Variants in BECN1 observed in about 807,000 individuals in gnomAD.
BECN1 encodes beclin-1.
BECN1 carries 15 observed loss-of-function variants against 60.1 expected under a neutral mutation model. The ratio of observed to expected loss-of-function variants is 0.25; its 90% CI spans 0.17 to 0.38. The LOEUF is 0.38. Among genes scored for constraint, BECN1 ranks in the 10% least tolerant of loss-of-function variants. BECN1 has a pLI of 1.00. For missense variants in BECN1, 424 were observed against 548.2 expected, an observed-to-expected ratio of 0.77 and a Z score of 2.26; for synonymous variants, 179 against 201.8, an observed-to-expected ratio of 0.89 and a Z score of 0.96.
chr17:42,822,842 C>G (rs1050132048), intron 2 of BECN1, among the ~76,000 whole-genome samples: 1 of 151,472 alleles, frequency 6.6e-6, no homozygotes, highest in Non-Finnish European at 1.5e-5. Flanking sequence ...CCACCACACC[C>G]AGCAATTTTT....
At chr17:42,813,763 A>C (rs2055086917) in intron 10 of BECN1, 185 bp downstream of exon 10, 1 of 476,594 alleles carries the variant, frequency 2.1e-6, no homozygotes, top group African/African-American at 2.0e-5. Flanking sequence ...GACTGTCAAA[A>C]CCTGATTTCT....
intron 8 of BECN1, 37 bp downstream of exon 8, chr17:42,815,871 A>C: frequency 6.2e-7 from 1 of 1,613,778 alleles, no homozygotes; most frequent in Non-Finnish European, 8.5e-7. Flanking sequence ...TAAGGTCTAG[A>C]TATGTGCAGT....
intron 1 of BECN1, 85 bp from the exon 2 acceptor site, chr17:42,823,964 T>G: frequency 6.6e-7 from 1 of 1,513,728 alleles, no homozygotes; most frequent in Non-Finnish European, 9.0e-7. Flanking sequence ...TTGGTGACGA[T>G]GGTAAAGGGA....
At chr17:42,820,941 T>A (rs1384415153) in intron 2 of BECN1, 100 bp from the exon 3 acceptor site, 3 of 1,036,050 alleles carry the variant, frequency 2.9e-6, no homozygotes, top group Non-Finnish European at 4.4e-6. Context: ...ATCACCACCC[T>A]CACCTCCAAT....
intron 8 of BECN1, 75 bp downstream of exon 8, chr17:42,815,833 T>C: frequency 6.3e-7 from 1 of 1,589,874 alleles, no homozygotes; most frequent in African/African-American, 1.3e-5. Context: ...TTGTGGGAAG[T>C]GGGCACCCAG....
rs575137307 is a variant in BECN1, at chr17:42,818,640, T to A, written c.392A>T (p.Asp131Val). ...DLFDIMSGQT[D>V]VDHPLCEECT... is the part of the protein sequence containing the mutation. ...TTCCTCACAGAGTGGGTGATCCACATCTGTCTGGCCCGACATGATGTCAAA... is the reference window on the plus strand; with the variant it reads ...TTCCTCACAGAGTGGGTGATCCACAACTGTCTGGCCCGACATGATGTCAAA... The change falls in exon 6 of 12, where the codon GAT becomes GTT. Residue 131 changes from aspartate to valine, a missense_variant. Around this residue, in one of 3 missense-constraint regions of BECN1, gnomAD observed 326 missense variants for 406.2 expected, o/e 0.80. Transcript: ENST00000590099. The A allele has an allele frequency of 6.2e-7, 1 of 1,614,214 alleles. No homozygotes were observed. Among genetic ancestry groups the A allele is most frequent in the African/African-American group, 1.3e-5 (1 of 75,050 alleles).
At position 42,818,424 on chromosome 17, in the gene BECN1, G is replaced by A. The variant is rs1226052730; in HGVS notation, c.489-9C>T. ...AGATCTCCAAACAGCGTCTGCCAAA[G>A]ACACAGGCAGACTATACTTACTAGA... On this transcript the variant is annotated splice_polypyrimidine_tract_variant and intron_variant, in intron 6 of 11. Coordinates refer to ENST00000590099, the MANE Select transcript of BECN1 (RefSeq NM_001313998.2). The A allele has an allele frequency of 1.2e-6, 2 of 1,613,834 alleles. No individual in the cohort carries two copies. The highest frequency in any genetic ancestry group is 2.2e-5 in the East Asian group (1 of 44,888).
At position 42,816,046 on chromosome 17, in the gene BECN1, C is replaced by T. The variant is rs972136460; in HGVS notation, c.692G>A (p.Arg231Lys). ...RLDQEEAQYQ[R>K]EYSEFKRQQL... ...CTGTCGTTTAAATTCACTGTATTCT[C>T]TCTGATACCTGTGAGCAGCCAAGGG... Residue 231 changes from arginine to lysine, a missense_variant, in exon 8 of 12, where the codon AGA (arginine) becomes AAA (lysine). Arg to Lys is a conservative substitution (Grantham distance 26, BLOSUM62 2). Transcript: ENST00000590099. 1.6e-5 allele frequency: 25 copies of T among 1,589,796 alleles called. No individual in the cohort carries two copies. Among genetic ancestry groups the T allele is most frequent in the South Asian group, 4.6e-5 (4 of 86,042 alleles).
At position 42,824,195 on chromosome 17, in the gene BECN1, C is replaced by T; in HGVS notation, c.-43G>A. 2.4e-6 allele frequency: 1 copy of T among 419,498 alleles called. No homozygotes were observed. The highest frequency in any genetic ancestry group is 4.2e-5 in the Admixed American group (1 of 23,540). 26.0% of individuals were successfully genotyped at this position (419,498 alleles called of 1,614,324 possible). On this transcript the variant is annotated 5_prime_UTR_variant, in exon 1 of 12. Transcript: ENST00000590099. ...CCCGTCACCCAAGTCCGGTCTACCGCGGAGGCACTGTGGCCTCGGGTCGGC... is the reference window on the plus strand; with the variant it reads ...CCCGTCACCCAAGTCCGGTCTACCGTGGAGGCACTGTGGCCTCGGGTCGGC...
chr17:42,820,767 C>G lies in BECN1; in HGVS notation c.198+7G>C. On this transcript the variant is annotated splice_region_variant and intron_variant, in intron 3 of 11. Transcript: ENST00000590099. ...GAGGAGGATAGGGGAGAGGGCACTT[C>G]TATTACCTCTCCTGAGTTAGTCTCT... The G allele has an allele frequency of 6.3e-7, 1 of 1,577,610 alleles. No homozygotes were observed. The highest frequency in any genetic ancestry group is 8.6e-7 in the Non-Finnish European group (1 of 1,158,990).
At chr17:42,819,126 C>G (rs74745773) in intron 4 of BECN1, 6,555 of 538,178 alleles carry the variant, frequency 0.012, 323 homozygotes, top group African/African-American at 0.11. Context: ...ATAAAAAATT[C>G]ATATGTCTAC....
Position 42,811,683 on chromosome 17 carries a change from C to T in BECN1, c.1156G>A (p.Gly386Ser). 6.2e-7 allele frequency: 1 copy of T among 1,614,114 alleles called. No homozygotes were observed. The highest frequency in any genetic ancestry group is 1.3e-5 in the African/African-American group (1 of 75,032). ...VQQFKEEVEK[G>S]ETRFCLPYRM... ...TAGGGAAGACAAAAACGTGTCTCGC[C>T]TTTCTCAACCTCTTCTTTGAACTGC... is the stretch of plus-strand genomic sequence containing the variant. Residue 386 changes from glycine to serine, a missense_variant, in exon 11 of 12, where the codon GGC becomes AGC. By Grantham distance (56) the Gly-to-Ser change is moderately conservative (BLOSUM62 0). Coordinates refer to ENST00000590099, the MANE Select transcript of BECN1 (RefSeq NM_001313998.2).
In BECN1 at chr17:42,811,105, G is replaced by A. The variant is rs1047194537; in HGVS notation, c.1185-177C>T. On this transcript the variant is annotated intron_variant, in intron 11 of 11. Transcript: ENST00000590099. ...CCAAAAATCAAGAAGACTGTCACAA[G>A]AGCCTCATTGTCATTGCAGAGTACA... 5 of 593,194 alleles carry A rather than the reference G, an allele frequency of 8.4e-6. No homozygotes were observed. The Admixed American group carries it at 1.4e-4, about 17-fold the overall frequency. The allele number at this position is 593,194 out of a possible 1,614,324, so 36.7% of individuals were successfully genotyped here.
chr17:42,819,303 C>CCGAG (rs2144191886), intron 4 of BECN1: 1 of 500,608 alleles, frequency 2.0e-6, no homozygotes, highest in South Asian at 3.5e-5. Flanking sequence ...GTCAATCACT[C>CCGAG]CCTCAATTTT....
At chr17:42,821,914 T>C (rs1444542980) in intron 2 of BECN1, among the ~76,000 whole-genome samples, 1 of 152,192 alleles carries the variant, frequency 6.6e-6, no homozygotes, top group East Asian at 1.9e-4. Context: ...AAAATTGTTA[T>C]TAAAAGAGTT....
At chr17:42,817,302 A>C (rs1303915322) in intron 7 of BECN1, among the ~76,000 whole-genome samples, 4 of 152,044 alleles carry the variant, frequency 2.6e-5, no homozygotes, top group African/African-American at 7.2e-5. Context: ...TTCTAAAAAA[A>C]AAAAAAACAA....
intron 8 of BECN1, among the ~76,000 whole-genome samples, chr17:42,815,429 G>A (rs1308681709): frequency 6.6e-6 from 1 of 152,140 alleles, no homozygotes; most frequent in African/African-American, 2.4e-5. Flanking sequence ...ACTGGATCAA[G>A]TGCCCTTATG....
intron 1 of BECN1, 138 bp from the exon 2 acceptor site, chr17:42,824,017 T>TA: frequency 8.8e-7 from 1 of 1,140,588 alleles, no homozygotes; most frequent in African/African-American, 1.6e-5. Context: ...AATGGTATGA[T>TA]ACGGGGAGGA....
chr17:42,814,711 G>T, intron 8 of BECN1, 38 bp from the exon 9 acceptor site: 1 of 1,611,248 alleles, frequency 6.2e-7, no homozygotes, highest in Non-Finnish European at 8.5e-7. Flanking sequence ...GAAATACAGG[G>T]ATTACTTAAA....
Sources: gnomAD v4.1 joint callset for allele counts (sites outside exome capture counted in the v4.1 genomes callset) on GRCh38, gnomAD v4.1.1 for gene constraint, gnomAD v4.1.1 regional missense constraint, MANE v1.5 for transcripts, NCBI Gene and HGNC (gene_info 2026-07-23, HGNC 2026-07-21) for gene names.